HDGFL3: variants seen among roughly 807,000 people sequenced by gnomAD.
The protein encoded by HDGFL3 is hepatoma-derived growth factor-related protein 3.
HDGFL3 carries 6 observed loss-of-function variants against 27.6 expected under a neutral mutation model. The observed-to-expected ratio is 0.22, with a 90% confidence interval of 0.12 to 0.43. The LOEUF (loss-of-function observed/expected upper bound fraction) is 0.43, where lower values mean the gene tolerates loss of function less well. HDGFL3 is among the 20% of genes least tolerant of loss of function. The pLI, the probability that HDGFL3 is intolerant of heterozygous loss-of-function variation, is 1.00. For synonymous variants in HDGFL3, 88 were observed against 88.9 expected, an observed-to-expected ratio of 0.99 and a Z score of 0.05; for missense variants, 207 against 250.1, an observed-to-expected ratio of 0.83 and a Z score of 1.16.
chr15:83,113,754 TG>T (rs1355476607), exon 4 of HDGFL3: 2 of 152,646 alleles, frequency 1.3e-5, no homozygotes, highest in African/African-American at 4.8e-5. Context: ...GCCCTTCTCA[TG>T]GCAGATACAG....
chr15:83,121,207 A>G (rs2035213524), intron 3 of HDGFL3, among the ~76,000 whole-genome samples: 1 of 151,316 alleles, frequency 6.6e-6, no homozygotes, highest in Non-Finnish European at 1.5e-5. Flanking sequence ...AGTAGCTGGA[A>G]TTACAGGTGC....
At position 83,128,162 on chromosome 15, in the gene HDGFL3, T is replaced by A. The variant is rs1247845065; in HGVS notation, c.*11108A>T. 4 of 152,266 alleles carry A rather than the reference T, an allele frequency of 2.6e-5. No homozygotes were observed. The highest frequency in any genetic ancestry group is 9.7e-5 in the African/African-American group (4 of 41,446). 9.4% of individuals were successfully genotyped at this position (152,266 alleles called of 1,614,324 possible). On this transcript the variant is annotated 3_prime_UTR_variant, in exon 6 of 6. Coordinates refer to ENST00000299633, the MANE Select transcript of HDGFL3 (RefSeq NM_016073.4). ...GAACTTATCATTTAAAAACATTAGC[T>A]TCATCTTGTTCTTTTCAAGCAGTTA...
intron 3 of HDGFL3, 67 bp downstream of exon 3, chr15:83,157,836 A>C: frequency 1.4e-6 from 2 of 1,430,108 alleles, no homozygotes; most frequent in Non-Finnish European, 1.9e-6. Flanking sequence ...ACATATAAGA[A>C]AGATTTGAAA....
At chr15:83,185,016 AC>A (rs1270752198) in intron 1 of HDGFL3, 1 of 152,016 alleles carries the variant, frequency 6.6e-6, no homozygotes. Flanking sequence ...GGGTCTCAGC[AC>A]CCTTTTTTTA....
chr15:83,196,942 G>A (rs1200651528), intron 1 of HDGFL3, among the ~76,000 whole-genome samples: 1 of 152,192 alleles, frequency 6.6e-6, no homozygotes, highest in Non-Finnish European at 1.5e-5. Context: ...ACTAACATCT[G>A]AGGAAGATGT....
intron 3 of HDGFL3, among the ~76,000 whole-genome samples, chr15:83,117,341 G>A (rs2034756946): frequency 6.6e-6 from 1 of 152,168 alleles, no homozygotes; most frequent in Admixed American, 6.5e-5. Context: ...GAGCTCTGAG[G>A]AGCAGTCCTG....
At chr15:83,125,943 T>G (rs2035712306), downstream of HDGFL3, among the ~76,000 whole-genome samples, 1 of 152,218 alleles carries the variant, frequency 6.6e-6, no homozygotes, top group South Asian at 2.1e-4. Flanking sequence ...TAGCTTTGCT[T>G]AGACCACAGG....
Position 83,131,360 on chromosome 15 carries a change from G to C in HDGFL3, c.*7910C>G, listed in dbSNP as rs28556618. On this transcript the variant is annotated 3_prime_UTR_variant, in exon 6 of 6. Coordinates refer to ENST00000299633, the MANE Select transcript of HDGFL3 (RefSeq NM_016073.4). ...AAATATTGAGTAGTGGCCAGGCGCA[G>C]TGGCTCACACATGTAACCCTAGCAC... 1.3e-5 allele frequency: 2 copies of C among 152,220 alleles called. No individual in the cohort carries two copies. The highest frequency in any genetic ancestry group is 4.8e-5 in the African/African-American group (2 of 41,442). 9.4% of individuals were successfully genotyped at this position (152,220 alleles called of 1,614,324 possible). A position where few individuals can be genotyped will look rare whatever the true frequency, so the allele number is the denominator to read the frequency against.
At chr15:83,114,590 G>A (rs373975106) in exon 4 of HDGFL3, 1 of 152,644 alleles carries the variant, frequency 6.6e-6, no homozygotes, top group Admixed American at 6.5e-5. Context: ...TCCTTCTGGG[G>A]AGAATGTGAA....
In HDGFL3 at chr15:83,207,409, C is replaced by T. The variant is rs1296608335; in HGVS notation, c.6G>A (p.Ala2=). 7.5e-7 allele frequency: 1 copy of T among 1,338,814 alleles called. No homozygotes were observed. Among genetic ancestry groups the T allele is most frequent in the South Asian group, 2.4e-5 (1 of 42,148 alleles). The allele number at this position is 1,338,814 out of a possible 1,614,324, so 82.9% of individuals were successfully genotyped here. Residue 2 remains alanine, a synonymous_variant, in exon 1 of 6, where the codon GCG becomes GCA. Coordinates refer to ENST00000299633, the MANE Select transcript of HDGFL3 (RefSeq NM_016073.4). The surrounding 1 kb of genome is among the most constrained non-coding windows in gnomAD (Gnocchi z 4.8). The part of the protein sequence containing the change: M[A]RPRPREYKAG... Reference sequence around the variant, plus strand: ...CTTTGTACTCGCGGGGCCGCGGACGCGCCATCCCAGCCGCTCCCCTTCCTG... The same window carrying T: ...CTTTGTACTCGCGGGGCCGCGGACGTGCCATCCCAGCCGCTCCCCTTCCTG...
intron 3 of HDGFL3, among the ~76,000 whole-genome samples, chr15:83,117,161 C>T (rs904222022): frequency 2.0e-5 from 3 of 152,124 alleles, no homozygotes; most frequent in Non-Finnish European, 4.4e-5. Flanking sequence ...TGGACATTTC[C>T]AGATGGACCA....
downstream of HDGFL3, chr15:83,126,808 G>C: frequency 3.1e-6 from 5 of 1,613,976 alleles, no homozygotes; most frequent in Non-Finnish European, 3.4e-6. Context: ...AATTTCAAGA[G>C]CCCTATCTAA....
intron 4 of HDGFL3, among the ~76,000 whole-genome samples, chr15:83,152,901 T>G (rs1482857275): frequency 6.6e-6 from 1 of 151,744 alleles, no homozygotes; most frequent in East Asian, 1.9e-4. Flanking sequence ...ATAGTAAAAG[T>G]GAAACACTTT....
chr15:83,119,297 C>T (rs1259315412), intron 3 of HDGFL3, among the ~76,000 whole-genome samples: 5 of 152,258 alleles, frequency 3.3e-5, no homozygotes, highest in African/African-American at 1.2e-4. Flanking sequence ...GATTGCCTAT[C>T]ATGCCATCTG....
At position 83,207,180 on chromosome 15, in the gene HDGFL3, G is replaced by A. The variant is rs1322964881; in HGVS notation, c.84+151C>T. 4.4e-6 allele frequency: 2 copies of A among 455,160 alleles called. No individual in the cohort carries two copies. The highest frequency in any genetic ancestry group is 3.6e-6 in the Non-Finnish European group (1 of 279,862). 28.2% of individuals were successfully genotyped at this position (455,160 alleles called of 1,614,324 possible). A position where few individuals can be genotyped will look rare whatever the true frequency, so the allele number is the denominator to read the frequency against. On this transcript the variant is annotated intron_variant, in intron 1 of 5. Coordinates refer to ENST00000299633, the MANE Select transcript of HDGFL3 (RefSeq NM_016073.4). This position sits in a 1 kb window ranked among gnomAD's most constrained non-coding sequence, Gnocchi z 4.8. ...GAGCCCTTGCCTCAGCCCCGGCCCG[G>A]TCTTCTTCGTGCCGCGCCGCCCTCA...
At chr15:83,123,853 C>T (rs927204389), downstream of HDGFL3, among the ~76,000 whole-genome samples, 1 of 152,312 alleles carries the variant, frequency 6.6e-6, no homozygotes, top group African/African-American at 2.4e-5. Flanking sequence ...AATGTGAAAA[C>T]ACAGTGACAG....
intron 1 of HDGFL3, among the ~76,000 whole-genome samples, chr15:83,186,477 A>T (rs2037444164): frequency 6.6e-6 from 1 of 152,282 alleles, no homozygotes; most frequent in Admixed American, 6.5e-5. Context: ...CTAAGACAGC[A>T]AAAGAACATA....
Position 83,134,147 on chromosome 15 carries a change from A to G in HDGFL3, c.*5123T>C, listed in dbSNP as rs1361336786. 1 of 152,182 alleles carries G rather than the reference A, an allele frequency of 6.6e-6. No individual in the cohort carries two copies. Among genetic ancestry groups the G allele is most frequent in the African/African-American group, 2.4e-5 (1 of 41,440 alleles). 9.4% of individuals were successfully genotyped at this position (152,182 alleles called of 1,614,324 possible). On this transcript the variant is annotated 3_prime_UTR_variant, in exon 6 of 6. Transcript: ENST00000299633. ...TGTTGAACGTTTATTGAGCTCTAAC[A>G]ATGTGACAGGTGCCACACAAAACAT...
intron 1 of HDGFL3, among the ~76,000 whole-genome samples, chr15:83,199,824 C>T (rs554829568): frequency 1.3e-5 from 2 of 151,322 alleles, no homozygotes; most frequent in South Asian, 2.1e-4. Flanking sequence ...GGGTGGATCA[C>T]GAGGTCAGGA....
Sources: allele counts gnomAD v4.1 joint callset (sites outside exome capture counted in the v4.1 genomes callset), GRCh38; gene constraint gnomAD v4.1.1; non-coding constraint Gnocchi (gnomAD v3.1); transcripts MANE v1.5; gene names NCBI Gene and HGNC (gene_info 2026-07-23, HGNC 2026-07-21).